The following ADARB1 variants were observed in gnomAD, a reference collection of about 807,000 sequenced individuals.
ADARB1 encodes the protein adenosine deaminase RNA specific B1, also known as double-stranded RNA-specific editase 1.
A neutral mutation model predicts 52.4 loss-of-function variants in ADARB1; 10 were observed. The ratio of observed to expected loss-of-function variants is 0.19; its 90% confidence interval spans 0.12 to 0.32. The LOEUF is 0.32. Among genes scored for constraint, ADARB1 ranks in the 10% least tolerant of loss-of-function variants. The pLI is 1.00. For synonymous variants in ADARB1, 349 were observed against 371.1 expected (o/e 0.94, Z 0.68); for missense variants, 643 against 922.3 (o/e 0.70, Z 3.92).
Position 45,222,549 on chromosome 21 carries a change from T to C in ADARB1, c.*352T>C, listed in dbSNP as rs1225326620. 1.9e-6 allele frequency: 2 copies of C among 1,062,388 alleles called. No homozygotes were observed. The highest frequency in any genetic ancestry group is 4.5e-5 in the South Asian group (1 of 22,346). 65.8% of individuals were successfully genotyped at this position (1,062,388 alleles called of 1,614,324 possible). The stretch of plus-strand genomic sequence containing the variant: ...AAGTTTAGGAAAATAGAAATTACTT[T>C]GTGTGAAATTCTTGAATAAATAATT... On this transcript the variant is annotated 3_prime_UTR_variant, in exon 11 of 11. Coordinates refer to ENST00000348831, the MANE Select transcript of ADARB1 (RefSeq NM_001112.4).
chr21:45,103,472 A>G (rs1361240441), intron 1 of ADARB1, among the ~76,000 whole-genome samples: 1 of 151,844 alleles, frequency 6.6e-6, no homozygotes, highest in Non-Finnish European at 1.5e-5. Flanking sequence ...AGATGGTCCC[A>G]TCGGGGGTAA....
Position 45,143,597 on chromosome 21 carries a change from C to T in ADARB1, c.-48+15024C>T, listed in dbSNP as rs547537036. The stretch of plus-strand genomic sequence containing the variant: ...TGCCACCATATGACTGCCATGTCCT[C>T]ACTGTGGCCCAGGAGGTCCCATGTG... On this transcript the variant is annotated intron_variant, in intron 2 of 10. Coordinates refer to ENST00000348831, the MANE Select transcript of ADARB1 (RefSeq NM_001112.4). 2.2e-4 allele frequency among the ~76,000 whole-genome samples: 34 copies of T among 152,366 alleles called. No individual in the cohort carries two copies. The South Asian group carries it at 6.8e-3, about 31-fold the overall frequency.
At chr21:45,171,939 C>T (rs1429691079) in intron 3 of ADARB1, among the ~76,000 whole-genome samples, 1 of 152,094 alleles carries the variant, frequency 6.6e-6, no homozygotes, top group Non-Finnish European at 1.5e-5. Flanking sequence ...CTGGGTATAT[C>T]TCATGAAGCC....
intron 1 of ADARB1, among the ~76,000 whole-genome samples, chr21:45,109,478 A>G (rs1160342804): frequency 1.3e-5 from 2 of 152,200 alleles, no homozygotes; most frequent in African/African-American, 2.4e-5. Context: ...CAGGTGGAAA[A>G]GTATCCACCT....
Position 45,222,748 on chromosome 21 carries a change from C to T in ADARB1, c.*551C>T, listed in dbSNP as rs1449376615. On this transcript the variant is annotated 3_prime_UTR_variant, in exon 11 of 11. Coordinates refer to ENST00000348831, the MANE Select transcript of ADARB1 (RefSeq NM_001112.4). Reference sequence around the variant, plus strand: ...CACACGTCTGTCTAAACTTAGGTCTCTTTTCTCCGTAGGTACCTCCCTGGG... The same window carrying T: ...CACACGTCTGTCTAAACTTAGGTCTTTTTTCTCCGTAGGTACCTCCCTGGG... The T allele has an allele frequency of 1.0e-6, 1 of 985,854 alleles. No homozygotes were observed. Among genetic ancestry groups the T allele is most frequent in the Non-Finnish European group, 1.2e-6 (1 of 830,398 alleles). The allele number at this position is 985,854 out of a possible 1,614,324, so 61.1% of individuals were successfully genotyped here.
chr21:45,139,700 C>T (rs929039843), intron 2 of ADARB1, among the ~76,000 whole-genome samples: 1 of 152,238 alleles, frequency 6.6e-6, no homozygotes, highest in Non-Finnish European at 1.5e-5. Context: ...TTCTGCCTCT[C>T]CGTGTTCTCT....
At chr21:45,118,005 A>G (rs2087925546) in intron 1 of ADARB1, among the ~76,000 whole-genome samples, 1 of 152,252 alleles carries the variant, frequency 6.6e-6, no homozygotes, top group Non-Finnish European at 1.5e-5. Context: ...GGCTTAAAAC[A>G]TTTGTAGTGT....
In ADARB1 at chr21:45,220,113, G is replaced by T. The variant is rs1449159494; in HGVS notation, c.1748-723G>T. Among the ~76,000 whole-genome samples, 2 of 151,756 alleles carry T rather than the reference G, an allele frequency of 1.3e-5. No homozygotes were observed. Among genetic ancestry groups the T allele is most frequent in the Non-Finnish European group, 2.9e-5 (2 of 67,966 alleles). On this transcript the variant is annotated intron_variant, in intron 9 of 10. Coordinates refer to ENST00000348831, the MANE Select transcript of ADARB1 (RefSeq NM_001112.4). This position sits in a 1 kb window ranked among gnomAD's most constrained non-coding sequence, Gnocchi z 6.3. Reference sequence around the variant, plus strand: ...AGCAGAAGTCATGTAGCTCTGATAGGAGCGCTTTTCAAACAGATGTCTTAA... The same window carrying T: ...AGCAGAAGTCATGTAGCTCTGATAGTAGCGCTTTTCAAACAGATGTCTTAA...
chr21:45,175,739 G>C lies in ADARB1; in HGVS notation c.38G>C (p.Ser13Thr), dbSNP rs2091666408. Residue 13 changes from serine (S) to threonine (T), a missense_variant, in exon 4 of 11, where the codon AGC becomes ACC. This residue lies in a region of ADARB1 where 380 missense variants were observed against 446.5 expected (regional missense o/e 0.85). Transcript: ENST00000348831. Reference sequence around the variant, plus strand: ...TTTCTGGGCACCACAGGTTCCAGCAGCACTGATGTGAAGGAAAACCGCAAT... The same window carrying C: ...TTTCTGGGCACCACAGGTTCCAGCACCACTGATGTGAAGGAAAACCGCAAT... ...IEDEENMSSS[S>T]TDVKENRNLD... 3.1e-6 allele frequency: 5 copies of C among 1,613,890 alleles called. No individual in the cohort carries two copies. Among genetic ancestry groups the C allele is most frequent in the Non-Finnish European group, 4.2e-6 (5 of 1,179,950 alleles).
At chr21:45,088,567 T>A (rs539021216) in intron 1 of ADARB1, among the ~76,000 whole-genome samples, 2 of 152,116 alleles carry the variant, frequency 1.3e-5, no homozygotes, top group South Asian at 2.1e-4. Context: ...GTAGGAGCAG[T>A]GAGAAAATAG....
intron 2 of ADARB1, among the ~76,000 whole-genome samples, chr21:45,152,988 A>T (rs991802401): frequency 6.6e-6 from 1 of 152,252 alleles, no homozygotes; most frequent in East Asian, 1.9e-4. Flanking sequence ...AAAACTTTAA[A>T]GTTTGTAGCT....
intron 1 of ADARB1, among the ~76,000 whole-genome samples, chr21:45,126,081 A>G (rs8127577): frequency 0.067 from 10,183 of 152,212 alleles, 399 homozygotes; most frequent in East Asian, 0.15. Flanking sequence ...TCTATGGATT[A>G]TTTAGAAGTG....
In ADARB1 at chr21:45,127,003, C is replaced by T. The variant is rs545021310; in HGVS notation, c.-219-1399C>T. On this transcript the variant is annotated intron_variant, in intron 1 of 10. Coordinates refer to ENST00000348831, the MANE Select transcript of ADARB1 (RefSeq NM_001112.4). ...CTGTGTTTTTCTTTCTCTGTTTAGG[C>T]GGTGGACTTTTTGGTGTGTAAAGCT... Among the ~76,000 whole-genome samples, 16 of 152,252 alleles carry T rather than the reference C, an allele frequency of 1.1e-4. No homozygotes were observed. The South Asian group carries it at 1.9e-3, about 18-fold the overall frequency.
intron 2 of ADARB1, among the ~76,000 whole-genome samples, chr21:45,143,301 T>G (rs1019256817): frequency 6.6e-6 from 1 of 152,186 alleles, no homozygotes; most frequent in Non-Finnish European, 1.5e-5. Context: ...CTCTCAGGCA[T>G]CTATAGACCT....
At chr21:45,192,144 G>A (rs183520997) in intron 8 of ADARB1, among the ~76,000 whole-genome samples, 11 of 152,064 alleles carry the variant, frequency 7.2e-5, no homozygotes, top group African/African-American at 2.7e-4. Flanking sequence ...TTAGAGAATA[G>A]AGTAGTGGTA....
intron 2 of ADARB1, chr21:45,152,601 G>A (rs761197824): frequency 4.5e-4 from 190 of 420,594 alleles, no homozygotes; most frequent in Admixed American, 7.2e-4. Flanking sequence ...TGGCATTGGC[G>A]TGTCTGCATG....
chr21:45,085,239 A>T (rs2086295317), intron 1 of ADARB1, among the ~76,000 whole-genome samples: 1 of 152,224 alleles, frequency 6.6e-6, no homozygotes, highest in South Asian at 2.1e-4. Flanking sequence ...CTGTGAGAAC[A>T]GGAAATAGAA....
At chr21:45,179,981 C>T (rs568115561) in intron 4 of ADARB1, among the ~76,000 whole-genome samples, 2 of 152,252 alleles carry the variant, frequency 1.3e-5, no homozygotes, top group South Asian at 4.2e-4. Context: ...GGGCAGGTGG[C>T]CCTGAGCAGG....
chr21:45,202,454 T>C (rs13047803), intron 8 of ADARB1, among the ~76,000 whole-genome samples: 104,218 of 151,946 alleles, frequency 0.69, 36,258 homozygotes, highest in African/African-American at 0.81. Context: ...CCCTGCTAGG[T>C]TCTTGAGGGG....
Sources: gnomAD v4.1 joint callset for allele counts (sites outside exome capture counted in the v4.1 genomes callset) on GRCh38, gnomAD v4.1.1 for gene constraint, gnomAD v4.1.1 regional missense constraint, Gnocchi (gnomAD v3.1) non-coding constraint, MANE v1.5 for transcripts, NCBI Gene and HGNC (gene_info 2026-07-23, HGNC 2026-07-21) for gene names.